FRMD4A: variants seen among roughly 807,000 people sequenced by gnomAD.
FRMD4A encodes FERM domain containing 4A, also known as FERM domain-containing protein 4A.
Under a neutral mutation model 129.1 loss-of-function variants are expected in FRMD4A, and 29 were observed. That is an observed-to-expected ratio of 0.22 (90% CI 0.17 to 0.31). FRMD4A has a LOEUF of 0.31. Among genes scored for constraint, FRMD4A ranks in the 10% least tolerant of loss-of-function variants. FRMD4A has a pLI of 1.00. For synonymous variants in FRMD4A, 634 were observed against 571.6 expected (o/e 1.11, Z -1.56); for missense variants, 1,272 against 1,375.8 (o/e 0.92, Z 1.19).
intron 2 of FRMD4A, among the ~76,000 whole-genome samples, chr10:13,880,376 A>G (rs930930601): frequency 6.6e-6 from 1 of 152,212 alleles, no homozygotes; most frequent in Non-Finnish European, 1.5e-5. Flanking sequence ...TCTTCAGAAT[A>G]TCCAGAACCT....
chr10:14,163,095 T>C (rs954976668), intron 2 of FRMD4A, among the ~76,000 whole-genome samples: 1 of 152,122 alleles, frequency 6.6e-6, no homozygotes, highest in African/African-American at 2.4e-5. Flanking sequence ...GTTATTTGAG[T>C]TCTCAATGCT....
intron 2 of FRMD4A, among the ~76,000 whole-genome samples, chr10:14,174,676 T>C (rs12254944): frequency 0.01 from 1,594 of 152,244 alleles, 25 homozygotes; most frequent in African/African-American, 0.037. Context: ...GAAAAAGAAA[T>C]CCCACTGCGT....
intron 2 of FRMD4A, among the ~76,000 whole-genome samples, chr10:14,198,226 C>A (rs535239789): frequency 6.6e-6 from 1 of 152,320 alleles, no homozygotes; most frequent in South Asian, 2.1e-4. Context: ...AGGAACAGAT[C>A]TCCTCAAGGA....
intron 3 of FRMD4A, among the ~76,000 whole-genome samples, chr10:13,826,697 A>G (rs1397931279): frequency 6.6e-6 from 1 of 152,170 alleles, no homozygotes; most frequent in East Asian, 1.9e-4. Flanking sequence ...TCAGCTGATG[A>G]TGTCGTTTTC....
chr10:13,707,665 C>T, intron 12 of FRMD4A: 1 of 986,140 alleles, frequency 1.0e-6, no homozygotes, highest in East Asian at 1.1e-4. Context: ...AAGAGCCTTG[C>T]AAAGGGCGGA....
At chr10:13,763,153 A>G (rs892602859) in intron 6 of FRMD4A, among the ~76,000 whole-genome samples, 3 of 152,190 alleles carry the variant, frequency 2.0e-5, no homozygotes, top group Admixed American at 6.5e-5. Context: ...ACCTGGGCCT[A>G]CCCGACTATC....
At chr10:13,699,533 T>C (rs2086600272) in intron 14 of FRMD4A, among the ~76,000 whole-genome samples, 1 of 152,216 alleles carries the variant, frequency 6.6e-6, no homozygotes, top group Non-Finnish European at 1.5e-5. Flanking sequence ...AGACCGCCTA[T>C]GCAAAAACCG....
chr10:13,670,965 T>A (rs953738634), intron 16 of FRMD4A, among the ~76,000 whole-genome samples: 1 of 152,196 alleles, frequency 6.6e-6, no homozygotes, highest in African/African-American at 2.4e-5. Context: ...CTGCATCAAA[T>A]ATTCCTGCTC....
intron 2 of FRMD4A, among the ~76,000 whole-genome samples, chr10:13,917,474 G>C (rs2095023041): frequency 1.3e-5 from 2 of 151,998 alleles, no homozygotes; most frequent in African/African-American, 2.4e-5. Flanking sequence ...ATTTTCAGTA[G>C]AGATGGGATT....
intron 2 of FRMD4A, among the ~76,000 whole-genome samples, chr10:14,033,093 G>C (rs1398648711): frequency 6.6e-6 from 1 of 152,152 alleles, no homozygotes; most frequent in African/African-American, 2.4e-5. Flanking sequence ...GATCACCTGA[G>C]GTCAGGAGTT....
chr10:13,904,209 A>G (rs1589225923), intron 2 of FRMD4A, among the ~76,000 whole-genome samples: 1 of 150,564 alleles, frequency 6.6e-6, no homozygotes. Context: ...GTCTGGCCTC[A>G]CCAACCACTA....
At chr10:13,997,783 C>T (rs1051962311) in intron 2 of FRMD4A, among the ~76,000 whole-genome samples, 4 of 151,892 alleles carry the variant, frequency 2.6e-5, no homozygotes, top group South Asian at 2.1e-4. Flanking sequence ...CCACCACACC[C>T]AGCTAATTTG....
intron 2 of FRMD4A, among the ~76,000 whole-genome samples, chr10:14,255,376 C>T (rs1349522081): frequency 1.3e-5 from 2 of 152,088 alleles, no homozygotes; most frequent in Admixed American, 6.5e-5. Flanking sequence ...GGAAAACATA[C>T]GAGGCATGAA....
At chr10:14,219,852 T>C (rs917292248) in intron 2 of FRMD4A, among the ~76,000 whole-genome samples, 1 of 152,174 alleles carries the variant, frequency 6.6e-6, no homozygotes, top group Non-Finnish European at 1.5e-5. Context: ...TTCAGATGTT[T>C]AATCACAAGC....
chr10:13,862,140 A>T (rs572359399), intron 2 of FRMD4A, among the ~76,000 whole-genome samples: 10 of 151,908 alleles, frequency 6.6e-5, no homozygotes, highest in South Asian at 4.1e-4. Context: ...CTCGACAGAG[A>T]ATAGGGGAGA....
intron 8 of FRMD4A, among the ~76,000 whole-genome samples, chr10:13,750,089 A>AAAGG (rs2091514695): frequency 1.2e-5 from 1 of 81,830 alleles, no homozygotes; most frequent in African/African-American, 4.8e-5. Flanking sequence ...AGAAAGAAAG[A>AAAGG]AAGAAAGAAA....
At chr10:14,166,784 T>C (rs1316261372) in intron 2 of FRMD4A, among the ~76,000 whole-genome samples, 2 of 152,242 alleles carry the variant, frequency 1.3e-5, no homozygotes, top group Non-Finnish European at 2.9e-5. Context: ...AATTTGCCCA[T>C]ATTATTTCAT....
At chr10:13,969,104 G>C (rs960161835) in intron 2 of FRMD4A, among the ~76,000 whole-genome samples, 1 of 152,216 alleles carries the variant, frequency 6.6e-6, no homozygotes, top group East Asian at 1.9e-4. Flanking sequence ...CCCCAGCCTG[G>C]TCTTGCTCTG....
At chr10:13,750,051 A>G (rs2091496813) in intron 8 of FRMD4A, among the ~76,000 whole-genome samples, 1 of 85,338 alleles carries the variant, frequency 1.2e-5, no homozygotes, top group African/African-American at 5.7e-5. Flanking sequence ...AAGGAAAGGA[A>G]GGAAGGAAGG....
Sources: gnomAD v4.1 joint callset for allele counts (sites outside exome capture counted in the v4.1 genomes callset) on GRCh38, gnomAD v4.1.1 for gene constraint, MANE v1.5 for transcripts, NCBI Gene and HGNC (gene_info 2026-07-23, HGNC 2026-07-21) for gene names.